Variants in AHCTF1 observed in about 807,000 individuals in gnomAD.
AHCTF1 encodes the protein AT-hook containing transcription factor 1.
A neutral mutation model predicts 248.4 loss-of-function variants in AHCTF1; 24 were observed. The ratio of observed to expected loss-of-function variants is 0.10; its 90% CI spans 0.07 to 0.14. AHCTF1 has a LOEUF of 0.14. Ranked by LOEUF, AHCTF1 falls within the 10% of genes least tolerant of loss-of-function variation. The pLI is 1.00. For missense variants in AHCTF1, 2,206 were observed against 2,636.2 expected, an observed-to-expected ratio of 0.84 and a Z score of 3.57; for synonymous variants, 786 against 929.8, an observed-to-expected ratio of 0.85 and a Z score of 2.81.
intron 1 of AHCTF1, among the ~76,000 whole-genome samples, chr1:246,924,783 TTA>T (rs1666817903): frequency 6.6e-6 from 1 of 152,146 alleles, no homozygotes; most frequent in African/African-American, 2.4e-5. Flanking sequence ...ACCTAAAAAG[TTA>T]TGTTTGAGAT....
chr1:246,913,122 A>T, intron 4 of AHCTF1, 110 bp downstream of exon 4: 5 of 830,692 alleles, frequency 6.0e-6, no homozygotes, highest in East Asian at 2.8e-5. Context: ...AGATAGGAAG[A>T]TATCTTTTAT....
At chr1:246,894,902 C>T (rs942703281) in intron 13 of AHCTF1, among the ~76,000 whole-genome samples, 154 bp from the exon 14 acceptor site, 2 of 152,008 alleles carry the variant, frequency 1.3e-5, no homozygotes. Flanking sequence ...TCTCAGTGCA[C>T]CACACCACGG....
At chr1:246,877,389 T>C (rs930615786) in intron 21 of AHCTF1, 87 bp from the exon 22 acceptor site, 4 of 1,364,614 alleles carry the variant, frequency 2.9e-6, no homozygotes, top group African/African-American at 1.5e-5. Flanking sequence ...ATTTCAAAGA[T>C]ACTTTGTAAA....
At chr1:246,882,118 C>T (rs914632316) in intron 21 of AHCTF1, among the ~76,000 whole-genome samples, 1 of 151,784 alleles carries the variant, frequency 6.6e-6, no homozygotes, top group African/African-American at 2.4e-5. Context: ...CTGCCTCAGC[C>T]TCCTGAGTAG....
chr1:246,847,253 C>T (rs1660337627), intron 33 of AHCTF1, among the ~76,000 whole-genome samples: 1 of 150,976 alleles, frequency 6.6e-6, no homozygotes, highest in Admixed American at 6.6e-5. Flanking sequence ...CACACCATTG[C>T]ACTCCAGCCT....
At chr1:246,871,682 T>A (rs1662598770) in intron 24 of AHCTF1, among the ~76,000 whole-genome samples, 2 of 152,134 alleles carry the variant, frequency 1.3e-5, no homozygotes, top group Admixed American at 1.3e-4. Context: ...CTAAGTATGC[T>A]TTCTCTGTAA....
intron 12 of AHCTF1, among the ~76,000 whole-genome samples, chr1:246,896,994 G>T (rs941002770): frequency 6.6e-6 from 1 of 152,142 alleles, no homozygotes; most frequent in Non-Finnish European, 1.5e-5. Flanking sequence ...ATAGTTTATA[G>T]AAGTTCTACC....
rs1184148952 is a variant in AHCTF1 at position 246,850,970 on chromosome 1, G to A, written c.5036C>T (p.Thr1679Ile). Residue 1679 changes from threonine (T) to isoleucine (I), a missense_variant, in exon 33 of 36, where the codon ACA becomes ATA. Thr to Ile is a moderately conservative substitution (Grantham distance 89). Coordinates refer to ENST00000648844, the MANE Select transcript of AHCTF1 (RefSeq NM_001323342.2). The stretch of plus-strand genomic sequence containing the variant: ...ATCTGAAGTAATTTCTTTACTTCTT[G>A]TGTCTTTAATTACATCTAGTAAATT... ...AENLLDVIKD[T>I]RSKEITSDTM... 6.2e-7 allele frequency: 1 copy of A among 1,613,922 alleles called. No homozygotes were observed. Among genetic ancestry groups the A allele is most frequent in the South Asian group, 1.1e-5 (1 of 91,080 alleles).
At chr1:246,846,869 A>G (rs1471195867) in intron 33 of AHCTF1, among the ~76,000 whole-genome samples, 1 of 151,988 alleles carries the variant, frequency 6.6e-6, no homozygotes, top group Non-Finnish European at 1.5e-5. Context: ...CTCACACCTC[A>G]GCCTCCCAAG....
intron 29 of AHCTF1, among the ~76,000 whole-genome samples, chr1:246,858,021 G>A (rs1157126871): frequency 6.7e-6 from 1 of 148,206 alleles, no homozygotes; most frequent in African/African-American, 2.5e-5. Context: ...GTGCAGTGGC[G>A]CTATCTTGGC....
intron 1 of AHCTF1, among the ~76,000 whole-genome samples, chr1:246,922,045 T>A (rs186183900): frequency 5.8e-4 from 88 of 152,336 alleles, no homozygotes; most frequent in Non-Finnish European, 9.3e-4. Context: ...TATTTTAGAC[T>A]TTGTTACATA....
At chr1:246,869,729 T>C (rs1046778871) in intron 24 of AHCTF1, among the ~76,000 whole-genome samples, 2 of 152,144 alleles carry the variant, frequency 1.3e-5, no homozygotes, top group African/African-American at 4.8e-5. Context: ...AAAAAAGTCT[T>C]TTCAAATATT....
chr1:246,884,898 A>C (rs1218862993), intron 21 of AHCTF1, among the ~76,000 whole-genome samples: 1 of 152,226 alleles, frequency 6.6e-6, no homozygotes, highest in Non-Finnish European at 1.5e-5. Flanking sequence ...CAAAAATATC[A>C]GAGTACCATT....
intron 24 of AHCTF1, among the ~76,000 whole-genome samples, chr1:246,869,660 G>C (rs114716257): frequency 6.6e-6 from 1 of 151,846 alleles, no homozygotes; most frequent in Non-Finnish European, 1.5e-5. Flanking sequence ...AAACACATCT[G>C]TTGACAGCAT....
chr1:246,898,509 T>C (rs1333792829), intron 11 of AHCTF1, among the ~76,000 whole-genome samples, 173 bp from the exon 12 acceptor site: 3 of 152,190 alleles, frequency 2.0e-5, no homozygotes, highest in Non-Finnish European at 2.9e-5. Flanking sequence ...GCTTAACCAA[T>C]GCTTGCTAGT....
chr1:246,906,962 C>T (rs1665437582), intron 5 of AHCTF1, among the ~76,000 whole-genome samples: 1 of 152,122 alleles, frequency 6.6e-6, no homozygotes, highest in African/African-American at 2.4e-5. Flanking sequence ...TATACAAACA[C>T]AGCCATGTGT....
intron 1 of AHCTF1, among the ~76,000 whole-genome samples, chr1:246,927,961 C>T (rs1667061217): frequency 6.6e-6 from 1 of 152,136 alleles, no homozygotes; most frequent in Non-Finnish European, 1.5e-5. Flanking sequence ...GATCACGCCA[C>T]TGCACTCCAG....
chr1:246,861,981 ACAT>A lies in AHCTF1; in HGVS notation c.3710_3712del (p.Asp1237del), dbSNP rs1291920358. 4 of 1,611,408 alleles carry A rather than the reference ACAT, an allele frequency of 2.5e-6. No homozygotes were observed. The highest frequency in any genetic ancestry group is 1.7e-5 in the Admixed American group (1 of 59,430). On this transcript the variant is annotated inframe_deletion, in exon 28 of 36. Coordinates refer to ENST00000648844, the MANE Select transcript of AHCTF1 (RefSeq NM_001323342.2). ...TACCCCAGGAATCCATTTTGGGTGGACATCTTCTTCCACAAATGAAATTCTAGT... is the reference window on the plus strand; with the variant it reads ...TACCCCAGGAATCCATTTTGGGTGGACTTCTTCCACAAATGAAATTCTAGT...
chr1:246,928,473 T>C (rs1048145277), intron 1 of AHCTF1, among the ~76,000 whole-genome samples: 3 of 152,160 alleles, frequency 2.0e-5, no homozygotes, highest in Admixed American at 1.3e-4. Flanking sequence ...GGATACTGTA[T>C]AGCAGGATAT....
Sources: gnomAD v4.1 joint callset for allele counts (sites outside exome capture counted in the v4.1 genomes callset) on GRCh38, gnomAD v4.1.1 for gene constraint, MANE v1.5 for transcripts, NCBI Gene and HGNC (gene_info 2026-07-23, HGNC 2026-07-21) for gene names.